Variants in MTUS2 observed in about 807,000 individuals in gnomAD.
MTUS2 encodes microtubule-associated tumor suppressor candidate 2.
In MTUS2, 40 loss-of-function variants were observed where a neutral mutation model predicts 114.1. The ratio of observed to expected loss-of-function variants is 0.35; its 90% CI spans 0.27 to 0.46. The LOEUF (loss-of-function observed/expected upper bound fraction) is 0.46. Ranked by LOEUF, MTUS2 falls within the 20% of genes least tolerant of loss-of-function variation. The pLI, the probability that MTUS2 is intolerant of heterozygous loss-of-function variation, is 1.00. For missense variants in MTUS2, 1,679 were observed against 1,705.4 expected (o/e 0.98, Z 0.27); for synonymous variants, 688 against 672.0 (o/e 1.02, Z -0.37).
chr13:29,384,096 G>GA (rs776988714), intron 8 of MTUS2, among the ~76,000 whole-genome samples: 6 of 151,928 alleles, frequency 3.9e-5, no homozygotes, highest in African/African-American at 1.2e-4. Context: ...CCCAAAGGGA[G>GA]AAAAAAAATC....
intron 12 of MTUS2, among the ~76,000 whole-genome samples, chr13:29,493,526 G>T (rs1328905780): frequency 6.6e-6 from 1 of 152,176 alleles, no homozygotes; most frequent in Admixed American, 6.5e-5. Context: ...ACGTAGGCAG[G>T]AATTCTGCTT....
At chr13:28,857,390 CAT>C (rs1279665924) in intron 2 of MTUS2, among the ~76,000 whole-genome samples, 1 of 152,152 alleles carries the variant, frequency 6.6e-6, no homozygotes, top group Admixed American at 6.5e-5. Flanking sequence ...AGGAAGATAT[CAT>C]GTGGGAAATG....
At position 28,860,547 on chromosome 13, in the gene MTUS2, C is replaced by T. The variant is rs994695253; in HGVS notation, c.-243+20697C>T. Among the ~76,000 whole-genome samples, 6 of 152,142 alleles carry T rather than the reference C, an allele frequency of 3.9e-5. 1 individual carries two copies. The highest frequency in any genetic ancestry group is 9.7e-5 in the African/African-American group (4 of 41,416). ...ATCTGGCCTTCAGTCAAGGCAGTGG[C>T]GGCAGTGGAGTGCACCTTAGCAAAA... On this transcript the variant is annotated intron_variant, in intron 2 of 15. Coordinates refer to ENST00000612955, the MANE Select transcript of MTUS2 (RefSeq NM_001033602.4).
intron 8 of MTUS2, among the ~76,000 whole-genome samples, chr13:29,395,357 G>T (rs1263774804): frequency 6.6e-6 from 1 of 152,196 alleles, no homozygotes; most frequent in Non-Finnish European, 1.5e-5. Context: ...TGTGGTGAAA[G>T]ATAAAGTTGG....
intron 9 of MTUS2, among the ~76,000 whole-genome samples, chr13:29,471,310 T>G (rs560000680): frequency 6.6e-6 from 1 of 152,078 alleles, no homozygotes; most frequent in East Asian, 1.9e-4. Flanking sequence ...ATCACTGCAC[T>G]CCAGCAACAG....
chr13:29,023,103 A>G (rs1005781934), intron 2 of MTUS2, among the ~76,000 whole-genome samples: 4 of 152,210 alleles, frequency 2.6e-5, no homozygotes, highest in African/African-American at 9.6e-5. Context: ...TATGTTGCAT[A>G]TTGAAGGATG....
intron 2 of MTUS2, among the ~76,000 whole-genome samples, chr13:29,018,620 C>T (rs141987367): frequency 0.043 from 6,583 of 152,034 alleles, 206 homozygotes; most frequent in South Asian, 0.092. Flanking sequence ...ATTAGCTGGG[C>T]GTGGTGGCGT....
At chr13:29,377,707 A>G (rs1010593436) in intron 8 of MTUS2, among the ~76,000 whole-genome samples, 1 of 152,232 alleles carries the variant, frequency 6.6e-6, no homozygotes, top group African/African-American at 2.4e-5. Flanking sequence ...TACTTGAATG[A>G]AGTAGAAACA....
intron 8 of MTUS2, among the ~76,000 whole-genome samples, chr13:29,389,344 C>CCT (rs1467356782): frequency 3.6e-5 from 2 of 55,980 alleles, no homozygotes; most frequent in African/African-American, 1.8e-4. Flanking sequence ...TATGTATGCA[C>CCT]GTGTGTGTAT....
At chr13:29,064,351 A>G (rs1888557562) in intron 4 of MTUS2, among the ~76,000 whole-genome samples, 1 of 145,472 alleles carries the variant, frequency 6.9e-6, no homozygotes, top group South Asian at 2.2e-4. Context: ...GGTTGGGGCC[A>G]GATTGTGGGG....
intron 5 of MTUS2, among the ~76,000 whole-genome samples, chr13:29,105,914 G>T (rs796252830): frequency 1.6e-4 from 24 of 152,262 alleles, no homozygotes; most frequent in African/African-American, 5.5e-4. Context: ...GAGCGGTGCT[G>T]TTGGTGCATT....
chr13:29,327,640 T>C (rs11840012), intron 7 of MTUS2, among the ~76,000 whole-genome samples: 9,794 of 152,176 alleles, frequency 0.064, 1,013 homozygotes, highest in African/African-American at 0.22. Context: ...AATTGGGGCT[T>C]TCCCCCCAGA....
intron 5 of MTUS2, among the ~76,000 whole-genome samples, chr13:29,213,991 G>T (rs1336052198): frequency 4.0e-5 from 6 of 149,926 alleles, no homozygotes; most frequent in Non-Finnish European, 5.9e-5. Flanking sequence ...TGTTCTCAGT[G>T]GTTGTTTTAG....
At chr13:29,106,938 A>G (rs1441817978) in intron 5 of MTUS2, among the ~76,000 whole-genome samples, 1 of 151,844 alleles carries the variant, frequency 6.6e-6, no homozygotes, top group Non-Finnish European at 1.5e-5. Flanking sequence ...ATATACTCCC[A>G]ACTAGCCAAA....
chr13:28,833,801 A>G lies in MTUS2; in HGVS notation c.-315-5977A>G, dbSNP rs535425438. Among the ~76,000 whole-genome samples, 4 of 152,212 alleles carry G rather than the reference A, an allele frequency of 2.6e-5. No homozygotes were observed. In the East Asian group the frequency reaches 5.8e-4, roughly 22 times the overall value. ...ATCTTGTATGTAGAAAATCCTAAGG[A>G]CTGTATACACAGACTGTGAGAACTA... On this transcript the variant is annotated intron_variant, in intron 1 of 15. Coordinates refer to ENST00000612955, the MANE Select transcript of MTUS2 (RefSeq NM_001033602.4).
At position 28,861,210 on chromosome 13, in the gene MTUS2, A is replaced by G. The variant is rs1876957860; in HGVS notation, c.-243+21360A>G. 2.0e-5 allele frequency among the ~76,000 whole-genome samples: 3 copies of G among 152,166 alleles called. No individual in the cohort carries two copies. The South Asian group carries it at 6.2e-4, about 32-fold the overall frequency. On this transcript the variant is annotated intron_variant, in intron 2 of 15. Coordinates refer to ENST00000612955, the MANE Select transcript of MTUS2 (RefSeq NM_001033602.4). The stretch of plus-strand genomic sequence containing the variant: ...GAAGTCCTATGTGATAGAATGTAAT[A>G]CTTTTAAAATGTTCGTGTGAGAGTA...
intron 5 of MTUS2, among the ~76,000 whole-genome samples, chr13:29,182,635 T>A (rs1464762078): frequency 5.3e-5 from 8 of 152,228 alleles, no homozygotes; most frequent in African/African-American, 1.9e-4. Context: ...TTTGCCTTTG[T>A]CAAGTTTACT....
chr13:29,204,354 G>A (rs1895091860), intron 5 of MTUS2, among the ~76,000 whole-genome samples: 1 of 152,160 alleles, frequency 6.6e-6, no homozygotes, highest in Non-Finnish European at 1.5e-5. Context: ...TGGTCACCAG[G>A]CTGCGGATGG....
intron 9 of MTUS2, among the ~76,000 whole-genome samples, chr13:29,464,855 A>T: frequency 6.6e-6 from 1 of 152,210 alleles, no homozygotes; most frequent in Non-Finnish European, 1.5e-5. Context: ...GCCCCTGCTG[A>T]ATCAGAAACT....
Sources: gnomAD v4.1 joint callset for allele counts (sites outside exome capture counted in the v4.1 genomes callset) on GRCh38, gnomAD v4.1.1 for gene constraint, MANE v1.5 for transcripts, NCBI Gene and HGNC (gene_info 2026-07-23, HGNC 2026-07-21) for gene names.